Variants in STAC observed in about 807,000 individuals in gnomAD.
STAC encodes SH3 and cysteine rich domain, also known as SH3 and cysteine-rich domain-containing protein.
Under a neutral mutation model 48.8 loss-of-function variants are expected in STAC, and 43 were observed. The observed-to-expected ratio is 0.88, with a 90% confidence interval of 0.69 to 1.14. The LOEUF (loss-of-function observed/expected upper bound fraction) is 1.14, where lower values mean the gene tolerates loss of function less well. Among genes scored for constraint, STAC ranks in the 50% most tolerant of loss-of-function variants. The pLI is 0.00. For synonymous variants in STAC, 193 were observed against 179.5 expected, an observed-to-expected ratio of 1.07 and a Z score of -0.60; for missense variants, 497 against 504.0, an observed-to-expected ratio of 0.99 and a Z score of 0.13.
intron 2 of STAC, among the ~76,000 whole-genome samples, chr3:36,462,996 G>A (rs555959289): frequency 1.8e-4 from 28 of 152,056 alleles, no homozygotes; most frequent in African/African-American, 6.3e-4. Context: ...AGTGATCTTT[G>A]CATTCCTGGG....
chr3:36,465,440 C>T (rs1034897581), intron 2 of STAC, among the ~76,000 whole-genome samples: 6 of 152,162 alleles, frequency 3.9e-5, no homozygotes, highest in Non-Finnish European at 7.3e-5. Flanking sequence ...ATTTATGTTG[C>T]TGTGAAGAAG....
chr3:36,498,729 G>T (rs1340714068), intron 6 of STAC, among the ~76,000 whole-genome samples: 1 of 151,996 alleles, frequency 6.6e-6, no homozygotes, highest in African/African-American at 2.4e-5. Flanking sequence ...CTCCAGCCTG[G>T]GAGAGACAGC....
chr3:36,471,396 A>G (rs1297777007), intron 2 of STAC, among the ~76,000 whole-genome samples: 1 of 152,060 alleles, frequency 6.6e-6, no homozygotes, highest in Non-Finnish European at 1.5e-5. Flanking sequence ...TTCCACCCCT[A>G]ACCCCTTCCA....
At chr3:36,465,995 A>G (rs564284593) in intron 2 of STAC, among the ~76,000 whole-genome samples, 1 of 152,188 alleles carries the variant, frequency 6.6e-6, no homozygotes, top group East Asian at 1.9e-4. Context: ...TGACACTCAC[A>G]TTCAGTATTA....
chr3:36,526,975 G>A (rs1048030310), intron 8 of STAC, among the ~76,000 whole-genome samples: 3 of 152,140 alleles, frequency 2.0e-5, no homozygotes, highest in Admixed American at 6.6e-5. Flanking sequence ...TCTGCTATAC[G>A]TTCAAGTATC....
At chr3:36,494,607 G>T (rs1698086690) in intron 6 of STAC, among the ~76,000 whole-genome samples, 1 of 152,158 alleles carries the variant, frequency 6.6e-6, no homozygotes, top group Admixed American at 6.5e-5. Flanking sequence ...GCTGCCCCAG[G>T]ATTTTCCTTC....
chr3:36,466,620 A>G (rs1258582074), intron 2 of STAC, among the ~76,000 whole-genome samples: 1 of 151,486 alleles, frequency 6.6e-6, no homozygotes. Context: ...TCTGGAATGG[A>G]TTGAGTTCTT....
chr3:36,424,056 G>C (rs917795713), intron 1 of STAC, among the ~76,000 whole-genome samples: 1 of 152,158 alleles, frequency 6.6e-6, no homozygotes, highest in East Asian at 1.9e-4. Flanking sequence ...CAAGGGGCAT[G>C]TTGTTGCTTC....
At chr3:36,454,584 T>A (rs949870690) in intron 2 of STAC, among the ~76,000 whole-genome samples, 2 of 152,220 alleles carry the variant, frequency 1.3e-5, no homozygotes, top group African/African-American at 4.8e-5. Context: ...ACATGGATAC[T>A]ATCTCCCCTC....
intron 8 of STAC, among the ~76,000 whole-genome samples, chr3:36,506,780 C>T (rs575112332): frequency 6.6e-6 from 1 of 152,248 alleles, no homozygotes; most frequent in South Asian, 2.1e-4. Flanking sequence ...ATTTTGAATC[C>T]TGAGACTTTG....
chr3:36,506,410 G>A (rs754911153), intron 8 of STAC, among the ~76,000 whole-genome samples: 8 of 152,182 alleles, frequency 5.3e-5, no homozygotes, highest in Non-Finnish European at 8.8e-5. Flanking sequence ...TTGGCTATGC[G>A]GGCTTTTTTT....
chr3:36,472,342 G>C (rs912871121), intron 2 of STAC, among the ~76,000 whole-genome samples: 2 of 152,166 alleles, frequency 1.3e-5, no homozygotes, highest in African/African-American at 4.8e-5. Flanking sequence ...TGATGGGAGG[G>C]GCTGCCATGA....
chr3:36,520,486 C>T (rs1297768591), intron 8 of STAC, among the ~76,000 whole-genome samples: 1 of 152,160 alleles, frequency 6.6e-6, no homozygotes, highest in Non-Finnish European at 1.5e-5. Flanking sequence ...GACTTGTGTA[C>T]ATTCTAATGT....
chr3:36,437,684 G>A (rs1696187090), intron 1 of STAC, among the ~76,000 whole-genome samples: 2 of 149,294 alleles, frequency 1.3e-5, no homozygotes, highest in South Asian at 4.3e-4. Flanking sequence ...GCTAAATGAC[G>A]AGTTAATGGG....
intron 1 of STAC, among the ~76,000 whole-genome samples, chr3:36,419,681 A>G (rs1700403812): frequency 6.6e-6 from 1 of 152,208 alleles, no homozygotes; most frequent in South Asian, 2.1e-4. Context: ...ACAATGGTTT[A>G]TAACAAAAGT....
chr3:36,440,021 C>G (rs917962377), intron 1 of STAC, among the ~76,000 whole-genome samples: 2 of 152,226 alleles, frequency 1.3e-5, no homozygotes. Flanking sequence ...AAAGTCTTAG[C>G]TGGCTCACTC....
intron 1 of STAC, among the ~76,000 whole-genome samples, chr3:36,402,111 A>T (rs1357494490): frequency 6.6e-6 from 1 of 152,114 alleles, no homozygotes; most frequent in East Asian, 1.9e-4. Context: ...TTTGTTTTAA[A>T]CTTTTCCACA....
intron 2 of STAC, among the ~76,000 whole-genome samples, chr3:36,468,702 T>TTATATATATAAAATACATATATATGTA (rs1431448598): frequency 0.011 from 1,579 of 147,066 alleles, 17 homozygotes; most frequent in Non-Finnish European, 0.018. Flanking sequence ...CCTTTTATCA[T>TTATATATATAAAATACATATATATGTA]TATATATATA....
chr3:36,452,335 T>C (rs1696707147), intron 2 of STAC, among the ~76,000 whole-genome samples: 1 of 152,210 alleles, frequency 6.6e-6, no homozygotes, highest in African/African-American at 2.4e-5. Flanking sequence ...TTTAATATAG[T>C]ATAACCTTTC....
Sources: gnomAD v4.1 joint callset for allele counts (sites outside exome capture counted in the v4.1 genomes callset) on GRCh38, gnomAD v4.1.1 for gene constraint, MANE v1.5 for transcripts, NCBI Gene and HGNC (gene_info 2026-07-23, HGNC 2026-07-21) for gene names.